The following MTUS2 variants were observed in gnomAD, a reference collection of about 807,000 sequenced individuals.
The protein encoded by MTUS2 is microtubule associated scaffold protein 2.
A neutral mutation model predicts 114.1 loss-of-function variants in MTUS2; 40 were observed. The ratio of observed to expected loss-of-function variants is 0.35; its 90% confidence interval spans 0.27 to 0.46. The LOEUF is 0.46. Among genes scored for constraint, MTUS2 ranks in the 20% least tolerant of loss-of-function variants. The probability of loss-of-function intolerance (pLI) is 1.00; values close to 1 mark genes in which losing one functional copy is unlikely to be tolerated. For missense variants in MTUS2, 1,679 were observed against 1,705.4 expected (o/e 0.98, Z 0.27); for synonymous variants, 688 against 672.0 (o/e 1.02, Z -0.37).
At chr13:29,423,376 T>C (rs1876260935) in intron 8 of MTUS2, among the ~76,000 whole-genome samples, 1 of 152,186 alleles carries the variant, frequency 6.6e-6, no homozygotes, top group Non-Finnish European at 1.5e-5. Context: ...TAGAAGGAAC[T>C]AGGGCTCCTA....
chr13:29,002,673 C>CA (rs1320819392), intron 2 of MTUS2, among the ~76,000 whole-genome samples: 3 of 152,182 alleles, frequency 2.0e-5, no homozygotes, highest in Non-Finnish European at 4.4e-5. Flanking sequence ...TTAATCCCTC[C>CA]ATTAGATCGT....
intron 8 of MTUS2, among the ~76,000 whole-genome samples, chr13:29,400,699 C>T (rs1874261896): frequency 6.6e-6 from 1 of 152,142 alleles, no homozygotes. Flanking sequence ...ATACGTTTAG[C>T]AAACCCTCTC....
Position 29,503,708 on chromosome 13 carries a change from T to G in MTUS2, c.*502T>G. ...AAATGAAAATGCATTTCTATCTAGC[T>G]TCCCAGGAATATTTCTACCCAAAAT... On this transcript the variant is annotated 3_prime_UTR_variant, in exon 16 of 16. Coordinates refer to ENST00000612955, the MANE Select transcript of MTUS2 (RefSeq NM_001033602.4). The G allele has an allele frequency of 4.4e-6, 1 of 229,838 alleles. No homozygotes were observed. Among genetic ancestry groups the G allele is most frequent in the Non-Finnish European group, 8.5e-6 (1 of 117,078 alleles). 14.2% of individuals were successfully genotyped at this position (229,838 alleles called of 1,614,324 possible).
At chr13:28,947,635 G>T (rs1386918431) in intron 2 of MTUS2, among the ~76,000 whole-genome samples, 2 of 152,118 alleles carry the variant, frequency 1.3e-5, no homozygotes, top group Non-Finnish European at 2.9e-5. Flanking sequence ...TATAGGTATT[G>T]ACTTCACCCC....
In MTUS2 at chr13:29,033,898, C is replaced by T; in HGVS notation, c.2219C>T (p.Pro740Leu). 1 of 1,613,894 alleles carries T rather than the reference C, an allele frequency of 6.2e-7. No individual in the cohort carries two copies. Among genetic ancestry groups the T allele is most frequent in the Non-Finnish European group, 8.5e-7 (1 of 1,179,834 alleles). Residue 740 changes from proline to leucine, a missense_variant, in exon 4 of 16, where the codon CCT (proline) becomes CTT (leucine). Transcript: ENST00000612955. ...CATTTATCATAGGTTACAGACCACCCTGGAAAAGAAGAGTTTTGTTCTCCT... is the reference window on the plus strand; with the variant it reads ...CATTTATCATAGGTTACAGACCACCTTGGAAAAGAAGAGTTTTGTTCTCCT... The part of the protein sequence containing the change: ...EKFLQEVTDH[P>L]GKEEFCSPPY...
chr13:29,188,574 A>G (rs763201949), intron 5 of MTUS2, among the ~76,000 whole-genome samples: 1 of 152,126 alleles, frequency 6.6e-6, no homozygotes, highest in African/African-American at 2.4e-5. Flanking sequence ...CATACCCCCA[A>G]AACTCTATCC....
chr13:28,929,584 G>T (rs1487630360), intron 2 of MTUS2, among the ~76,000 whole-genome samples: 1 of 152,220 alleles, frequency 6.6e-6, no homozygotes, highest in Non-Finnish European at 1.5e-5. Context: ...CAGAGAGCCA[G>T]CTTGAGCACC....
intron 10 of MTUS2, among the ~76,000 whole-genome samples, chr13:29,486,172 G>A (rs1881603346): frequency 6.6e-6 from 1 of 152,132 alleles, no homozygotes; most frequent in African/African-American, 2.4e-5. Context: ...AGTAAATACG[G>A]TTTGATCAAG....
chr13:29,348,063 G>C (rs1212890285), intron 7 of MTUS2, among the ~76,000 whole-genome samples: 2 of 151,744 alleles, frequency 1.3e-5, no homozygotes, highest in Admixed American at 1.3e-4. Context: ...ATACTTTAGG[G>C]ATTTTTATAA....
intron 5 of MTUS2, among the ~76,000 whole-genome samples, chr13:29,137,442 A>G (rs1892027536): frequency 6.6e-6 from 1 of 150,486 alleles, no homozygotes; most frequent in African/African-American, 2.4e-5. Context: ...TATTCTCTCT[A>G]CCTTTTTCCC....
intron 5 of MTUS2, among the ~76,000 whole-genome samples, chr13:29,132,145 A>G (rs1044476066): frequency 7.9e-5 from 12 of 152,242 alleles, no homozygotes; most frequent in African/African-American, 2.9e-4. Flanking sequence ...GTGCATGTGC[A>G]TGGTGTATAT....
At chr13:29,319,233 T>G (rs1165196162) in intron 6 of MTUS2, among the ~76,000 whole-genome samples, 2 of 152,192 alleles carry the variant, frequency 1.3e-5, no homozygotes, top group Non-Finnish European at 2.9e-5. Flanking sequence ...TCAAACTGCC[T>G]TAGGCAACAA....
At chr13:29,494,549 G>T (rs1882399358) in intron 12 of MTUS2, among the ~76,000 whole-genome samples, 1 of 151,166 alleles carries the variant, frequency 6.6e-6, no homozygotes, top group African/African-American at 2.4e-5. Context: ...AGGAGGTTTG[G>T]TGTAGGAGCC....
intron 8 of MTUS2, among the ~76,000 whole-genome samples, chr13:29,387,879 T>A (rs568639914): frequency 1.3e-5 from 2 of 152,260 alleles, no homozygotes; most frequent in African/African-American, 4.8e-5. Context: ...GTTACAACCA[T>A]GTTAGACCTA....
intron 9 of MTUS2, among the ~76,000 whole-genome samples, chr13:29,442,640 A>G (rs1176140461): frequency 1.6e-4 from 1 of 6,186 alleles, no homozygotes; most frequent in East Asian, 7.8e-3. Context: ...CAGCACAGGG[A>G]GGCAGCATTG....
At chr13:29,259,705 C>T (rs532003593) in intron 5 of MTUS2, among the ~76,000 whole-genome samples, 7 of 152,284 alleles carry the variant, frequency 4.6e-5, no homozygotes, top group South Asian at 2.1e-4. Flanking sequence ...CCCATCAAAG[C>T]GTTACTAATA....
chr13:29,046,117 A>ATTT (rs5802505), intron 4 of MTUS2, among the ~76,000 whole-genome samples: 5,062 of 144,718 alleles, frequency 0.035, 226 homozygotes, highest in African/African-American at 0.1. Flanking sequence ...GTTAGTAAGT[A>ATTT]TTTTTTTTTT....
chr13:29,104,780 G>T (rs1890584088), intron 5 of MTUS2, among the ~76,000 whole-genome samples: 1 of 152,132 alleles, frequency 6.6e-6, no homozygotes, highest in African/African-American at 2.4e-5. Flanking sequence ...TATTTACATT[G>T]AAAGAGGGAA....
chr13:28,879,174 TC>T (rs1255015805), intron 2 of MTUS2, among the ~76,000 whole-genome samples: 5 of 152,188 alleles, frequency 3.3e-5, no homozygotes, highest in Non-Finnish European at 7.3e-5. Flanking sequence ...AATTTTTTTT[TC>T]TTTTAAATTT....
Sources: allele counts gnomAD v4.1 joint callset (sites outside exome capture counted in the v4.1 genomes callset), GRCh38; gene constraint gnomAD v4.1.1; transcripts MANE v1.5; gene names NCBI Gene and HGNC (gene_info 2026-07-23, HGNC 2026-07-21).